The following ARID4B variants were observed in gnomAD, a reference collection of about 807,000 sequenced individuals.
ARID4B encodes the protein AT-rich interactive domain-containing protein 4B.
In ARID4B, 26 loss-of-function variants were observed where a neutral mutation model predicts 147.5. That is an observed-to-expected ratio of 0.18 (90% CI 0.13 to 0.24). The LOEUF is 0.24. Among genes scored for constraint, ARID4B ranks in the 10% least tolerant of loss-of-function variants. ARID4B has a pLI of 1.00. For missense variants in ARID4B, 1,179 were observed against 1,511.5 expected, an observed-to-expected ratio of 0.78 and a Z score of 3.65; for synonymous variants, 512 against 507.9, an observed-to-expected ratio of 1.01 and a Z score of -0.11.
intron 2 of ARID4B, among the ~76,000 whole-genome samples, chr1:235,316,545 G>A (rs533366219): frequency 1.5e-4 from 22 of 148,806 alleles, no homozygotes; most frequent in African/African-American, 3.7e-4. Context: ...GGCTGGGCAC[G>A]GTGGCTGATG....
At chr1:235,170,438 C>T (rs1339971003) in intron 23 of ARID4B, among the ~76,000 whole-genome samples, 1 of 151,984 alleles carries the variant, frequency 6.6e-6, no homozygotes. Context: ...ATAGCAACAC[C>T]TTTAAAAACA....
rs1307050588 is a variant in ARID4B at position 235,182,522 on chromosome 1, T to C, written c.2397A>G (p.Glu799=). ...LSEDTDYEED[E]VTKKRKDVKK... Reference sequence around the variant, plus strand: ...TGACATCCTTTCTCTTTTTTGTGACTTCATCTTCTTCATAATCAGTATCTT... The same window carrying C: ...TGACATCCTTTCTCTTTTTTGTGACCTCATCTTCTTCATAATCAGTATCTT... The change falls in exon 20 of 24, where the codon GAA becomes GAG. Residue 799 remains glutamate, a synonymous_variant. Transcript: ENST00000264183. 6.2e-7 allele frequency: 1 copy of C among 1,612,992 alleles called. No homozygotes were observed. The highest frequency in any genetic ancestry group is 1.7e-5 in the Admixed American group (1 of 59,818).
chr1:235,246,599 C>A, intron 6 of ARID4B, 88 bp from the exon 7 acceptor site: 1 of 916,530 alleles, frequency 1.1e-6, no homozygotes, highest in Non-Finnish European at 1.7e-6. Context: ...AGAATATGCT[C>A]AGATTTTGAG....
At chr1:235,304,016 A>G (rs1050609657) in intron 2 of ARID4B, among the ~76,000 whole-genome samples, 1 of 152,194 alleles carries the variant, frequency 6.6e-6, no homozygotes, top group Admixed American at 6.5e-5. Flanking sequence ...AATGAAGTAA[A>G]TGTTATTAGC....
intron 17 of ARID4B, 66 bp downstream of exon 17, chr1:235,213,702 GT>G (rs1428532465): frequency 9.4e-6 from 14 of 1,485,140 alleles, no homozygotes; most frequent in Non-Finnish European, 1.2e-5. Flanking sequence ...CATTACTTAA[GT>G]TTTTAAATAG....
intron 2 of ARID4B, among the ~76,000 whole-genome samples, chr1:235,318,145 C>G (rs1474797308): frequency 6.8e-6 from 1 of 147,428 alleles, no homozygotes. Context: ...TAAAAAAGAG[C>G]ATAGTATTAA....
Position 235,181,718 on chromosome 1 carries a change from G to A in ARID4B, c.3201C>T (p.Ser1067=). 6.2e-7 allele frequency: 1 copy of A among 1,614,052 alleles called. No homozygotes were observed. Among genetic ancestry groups the A allele is most frequent in the Non-Finnish European group, 8.5e-7 (1 of 1,179,996 alleles). Reference sequence around the variant, plus strand: ...CAGCAACACTATCCACCTCAATTGTGCTATCAGTTTCACTCTTGATACTTC... The same window carrying A: ...CAGCAACACTATCCACCTCAATTGTACTATCAGTTTCACTCTTGATACTTC... The part of the protein sequence containing the change: ...EVRSIKSETD[S]TIEVDSVAGE... The change falls in exon 20 of 24, where the codon AGC becomes AGT. Residue 1067 remains serine (S), a synonymous_variant. Transcript: ENST00000264183.
chr1:235,173,742 TAAAAAAAAAAAAAAAAA>T (rs755815257), intron 22 of ARID4B, among the ~76,000 whole-genome samples: 283 of 26,118 alleles, frequency 0.011, 6 homozygotes, highest in Non-Finnish European at 0.014. Flanking sequence ...CGTCTCTATT[TAAAAAAAAAAAAAAAAA>T]AAAAAAAAAA....
At chr1:235,267,477 C>G (rs1670676238) in intron 2 of ARID4B, among the ~76,000 whole-genome samples, 1 of 151,912 alleles carries the variant, frequency 6.6e-6, no homozygotes, top group Non-Finnish European at 1.5e-5. Context: ...ATTTAAAAAC[C>G]AAGCTTAAAA....
chr1:235,239,181 A>G (rs1199848473), intron 8 of ARID4B, among the ~76,000 whole-genome samples: 1 of 152,032 alleles, frequency 6.6e-6, no homozygotes, highest in East Asian at 1.9e-4. Context: ...CCTGTTGGCC[A>G]GGCTGGTCTC....
At chr1:235,223,732 T>C (rs1352546617) in intron 12 of ARID4B, among the ~76,000 whole-genome samples, 2 of 144,436 alleles carry the variant, frequency 1.4e-5, no homozygotes, top group East Asian at 4.1e-4. Flanking sequence ...AAGGCAAGGA[T>C]GCTAAATCAA....
intron 16 of ARID4B, among the ~76,000 whole-genome samples, chr1:235,215,214 G>T (rs1425415560): frequency 6.6e-6 from 1 of 151,632 alleles, no homozygotes; most frequent in Non-Finnish European, 1.5e-5. Flanking sequence ...TTTTTATATT[G>T]ACCACCAATC....
chr1:235,179,525 C>CAAAA (rs61143006), intron 20 of ARID4B, among the ~76,000 whole-genome samples: 1,423 of 48,178 alleles, frequency 0.03, 116 homozygotes, highest in Non-Finnish European at 0.047. Context: ...CTCTATGTCT[C>CAAAA]AAAAAAAAAA....
chr1:235,193,629 A>C (rs1464427415), intron 19 of ARID4B, among the ~76,000 whole-genome samples: 2 of 152,238 alleles, frequency 1.3e-5, no homozygotes, highest in Non-Finnish European at 2.9e-5. Flanking sequence ...TAGTAATAAA[A>C]AATTTGAGGC....
chr1:235,290,412 G>A (rs1475340607), intron 2 of ARID4B, among the ~76,000 whole-genome samples: 4 of 146,304 alleles, frequency 2.7e-5, no homozygotes, highest in South Asian at 2.3e-4. Flanking sequence ...CAACCTGGAC[G>A]ACAGAATGAG....
At chr1:235,252,576 G>T (rs1338501708) in intron 6 of ARID4B, among the ~76,000 whole-genome samples, 154 bp downstream of exon 6, 1 of 152,124 alleles carries the variant, frequency 6.6e-6, no homozygotes, top group South Asian at 2.1e-4. Flanking sequence ...CAAACACAGG[G>T]CCTTAAACAG....
intron 13 of ARID4B, 104 bp from the exon 14 acceptor site, chr1:235,221,766 C>G (rs193007428): frequency 2.6e-4 from 121 of 464,164 alleles, no homozygotes; most frequent in African/African-American, 1.9e-3. Context: ...TTTATTGGTC[C>G]TAGACTCAAA....
chr1:235,207,705 T>C (rs1334459265), intron 17 of ARID4B, among the ~76,000 whole-genome samples: 3 of 152,148 alleles, frequency 2.0e-5, no homozygotes, highest in Non-Finnish European at 2.9e-5. Flanking sequence ...CAACTTATGT[T>C]TGGAAAATAA....
intron 12 of ARID4B, 30 bp from the exon 13 acceptor site, chr1:235,223,290 T>C: frequency 3.3e-6 from 4 of 1,198,560 alleles, no homozygotes; most frequent in Non-Finnish European, 4.6e-6. Context: ...CTATATTAGA[T>C]CCACACTACA....
Sources: allele counts gnomAD v4.1 joint callset (sites outside exome capture counted in the v4.1 genomes callset), GRCh38; gene constraint gnomAD v4.1.1; transcripts MANE v1.5; gene names NCBI Gene and HGNC (gene_info 2026-07-23, HGNC 2026-07-21).